Variants in EMILIN2 observed in about 807,000 individuals in gnomAD.
EMILIN2 encodes EMILIN-2.
A neutral mutation model predicts 87.1 loss-of-function variants in EMILIN2; 71 were observed. The observed-to-expected ratio is 0.82, with a 90% CI of 0.67 to 0.99. The LOEUF (loss-of-function observed/expected upper bound fraction) is 0.99, where lower values mean the gene tolerates loss of function less well. EMILIN2 is among the 50% of genes least tolerant of loss of function. The pLI is 0.00. For synonymous variants in EMILIN2, 581 were observed against 563.4 expected (o/e 1.03, Z -0.44); for missense variants, 1,407 against 1,371.8 (o/e 1.03, Z -0.40).
At chr18:2,846,998 G>A, upstream of EMILIN2, 2 of 1,025,110 alleles carry the variant, frequency 2.0e-6, no homozygotes, top group Non-Finnish European at 2.3e-6. The surrounding 1 kb of genome is among the most constrained non-coding windows in gnomAD (Gnocchi z 5.3). Context: ...CAGGGCGCAC[G>A]GGGCTGCAGA....
At chr18:2,869,604 ATTTT>A (rs569046368) in intron 2 of EMILIN2, among the ~76,000 whole-genome samples, 1 of 148,874 alleles carries the variant, frequency 6.7e-6, no homozygotes, top group Non-Finnish European at 1.5e-5. Flanking sequence ...TCAGTAGCTG[ATTTT>A]TTTTTTTGAG....
At position 2,890,880 on chromosome 18, in the gene EMILIN2, C is replaced by T; in HGVS notation, c.753C>T (p.Val251=). 6.2e-7 allele frequency: 1 copy of T among 1,613,864 alleles called. No homozygotes were observed. The highest frequency in any genetic ancestry group is 8.5e-7 in the Non-Finnish European group (1 of 1,180,038). ...CAGAAACGGGCCAGAGTCCTGGTGTCTTCAACACTAAGGAATCTGGCATGA... is the reference window on the plus strand; with the variant it reads ...CAGAAACGGGCCAGAGTCCTGGTGTTTTCAACACTAAGGAATCTGGCATGA... The part of the protein sequence containing the change: ...GDTETGQSPG[V]FNTKESGMKD... The change falls in exon 4 of 8, where the codon GTC becomes GTT. Residue 251 remains valine, a synonymous_variant. Transcript: ENST00000254528. The surrounding 1 kb of genome is among the most constrained non-coding windows in gnomAD (Gnocchi z 4.7).
chr18:2,873,620 T>C (rs1230363776), intron 2 of EMILIN2, among the ~76,000 whole-genome samples: 6 of 151,554 alleles, frequency 4.0e-5, no homozygotes, highest in Admixed American at 6.6e-5. Flanking sequence ...GGCAGGAGAA[T>C]GGCGTGAACC....
At chr18:2,904,760 A>AG (rs1374005071) in intron 4 of EMILIN2, among the ~76,000 whole-genome samples, 1 of 152,156 alleles carries the variant, frequency 6.6e-6, no homozygotes, top group African/African-American at 2.4e-5. Flanking sequence ...TCGTTCACAC[A>AG]GGCGGCTTTC....
At chr18:2,902,759 G>A (rs867228034) in intron 4 of EMILIN2, among the ~76,000 whole-genome samples, 71 of 152,308 alleles carry the variant, frequency 4.7e-4, no homozygotes, top group African/African-American at 1.7e-3. Flanking sequence ...TCTGGAAAAG[G>A]TGTGAATGAA....
intron 2 of EMILIN2, among the ~76,000 whole-genome samples, chr18:2,853,319 T>C (rs1189570885): frequency 1.3e-5 from 2 of 152,170 alleles, no homozygotes; most frequent in Non-Finnish European, 2.9e-5. Context: ...CCCCCAGCCC[T>C]TGGGACATTC....
Position 2,910,014 on chromosome 18 carries a change from G to A in EMILIN2, c.2824+195G>A, listed in dbSNP as rs117294417. On this transcript the variant is annotated intron_variant, in intron 7 of 7. Transcript: ENST00000254528. Reference sequence around the variant, plus strand: ...TCACGTAGAACGTGTCCCAGCTCGAGGGCTGCAGGCTGCATGGGTGTGTAA... The same window carrying A: ...TCACGTAGAACGTGTCCCAGCTCGAAGGCTGCAGGCTGCATGGGTGTGTAA... Among the ~76,000 whole-genome samples the A allele has an allele frequency of 6.7e-3, 1,019 of 152,346 alleles. 5 individuals carry two copies. Among genetic ancestry groups the A allele is most frequent in the South Asian group, 0.021 (103 of 4,830 alleles).
intron 2 of EMILIN2, among the ~76,000 whole-genome samples, chr18:2,855,105 A>G (rs1407433360): frequency 6.6e-6 from 1 of 152,226 alleles, no homozygotes; most frequent in Non-Finnish European, 1.5e-5. Context: ...CCAGGCGCCC[A>G]GCCCTCGAGA....
intron 2 of EMILIN2, among the ~76,000 whole-genome samples, chr18:2,856,639 G>A (rs2076628915): frequency 6.6e-6 from 1 of 152,124 alleles, no homozygotes; most frequent in Non-Finnish European, 1.5e-5. Flanking sequence ...ATCAAAAGCG[G>A]GGAAACCGTA....
rs1007866310 is a variant in EMILIN2 at position 2,915,965 on chromosome 18, T to C, written c.*2561T>C. 6 of 152,252 alleles carry C rather than the reference T, an allele frequency of 3.9e-5. No homozygotes were observed. Among genetic ancestry groups the C allele is most frequent in the Admixed American group, 2.6e-4 (4 of 15,286 alleles). The allele number at this position is 152,252 out of a possible 1,614,324, so 9.4% of individuals were successfully genotyped here. A position where few individuals can be genotyped will look rare whatever the true frequency, so the allele number is the denominator to read the frequency against. ...TTACACGATTAAAAACAAAATGGTATCGTCAATAAATGCAAACCTTAAACT... is the reference window on the plus strand; with the variant it reads ...TTACACGATTAAAAACAAAATGGTACCGTCAATAAATGCAAACCTTAAACT... On this transcript the variant is annotated 3_prime_UTR_variant, in exon 8 of 8. Transcript: ENST00000254528.
intron 2 of EMILIN2, among the ~76,000 whole-genome samples, chr18:2,852,576 C>T (rs769648703): frequency 2.0e-5 from 3 of 152,162 alleles, no homozygotes; most frequent in Admixed American, 6.5e-5. Context: ...TGGAGCGCAG[C>T]GGCACCATCT....
At position 2,847,705 on chromosome 18, in the gene EMILIN2, C is replaced by T. The variant is rs963599288; in HGVS notation, c.135-104C>T. Reference sequence around the variant, plus strand: ...CCCGCCTCCGCAGAGGGCGACGGGCCCCCCCGACCCTCGCTCGGTCTGGTG... The same window carrying T: ...CCCGCCTCCGCAGAGGGCGACGGGCTCCCCCGACCCTCGCTCGGTCTGGTG... On this transcript the variant is annotated intron_variant, in intron 1 of 7. Transcript: ENST00000254528. This position sits in a 1 kb window ranked among gnomAD's most constrained non-coding sequence, Gnocchi z 4.5. 2.2e-5 allele frequency: 33 copies of T among 1,478,100 alleles called. No homozygotes were observed. The highest frequency in any genetic ancestry group is 2.6e-5 in the Non-Finnish European group (29 of 1,117,944). 91.6% of individuals were successfully genotyped at this position (1,478,100 alleles called of 1,614,324 possible).
chr18:2,853,369 A>T (rs1433924613), intron 2 of EMILIN2, among the ~76,000 whole-genome samples: 1 of 152,084 alleles, frequency 6.6e-6, no homozygotes, highest in Non-Finnish European at 1.5e-5. Flanking sequence ...CAGCCTCTGA[A>T]TCTGGACTCT....
rs773279293 is a variant in EMILIN2, at chr18:2,885,056, A to G, written c.350A>G (p.Asp117Gly). The G allele has an allele frequency of 6.2e-7, 1 of 1,613,732 alleles. No homozygotes were observed. The highest frequency in any genetic ancestry group is 8.5e-7 in the Non-Finnish European group (1 of 1,179,866). ...WRCCPGFRGG[D>G]CQEGPKDPVK... ...TGCTGTCCTGGCTTTAGAGGGGGAG[A>G]TTGCCAAGAAGGTCCCAAAGACCCC... Residue 117 changes from aspartate to glycine, a missense_variant, in exon 3 of 8, where the codon GAT becomes GGT. Physicochemically the swap from Asp to Gly is moderately conservative, Grantham distance 94. Coordinates refer to ENST00000254528, the MANE Select transcript of EMILIN2 (RefSeq NM_032048.3).
At chr18:2,900,124 G>A in intron 4 of EMILIN2, among the ~76,000 whole-genome samples, 1 of 37,584 alleles carries the variant, frequency 2.7e-5, no homozygotes, top group African/African-American at 7.3e-5. Flanking sequence ...CCTCTTATAA[G>A]CTTGAGGGTT....
chr18:2,906,975 C>A lies in EMILIN2; in HGVS notation c.2552C>A (p.Ala851Asp). ...GGGGTCATCGCGGAGACGGGCCAGG[C>A]CGGGCCCCCCGCAGGCGCAGGCGTG... ...STGVIAETGQAGPPAGAGVSG... is the reference protein window; with the variant it reads ...STGVIAETGQDGPPAGAGVSG... Residue 851 changes from alanine (A) to aspartate (D), a missense_variant, in exon 5 of 8, where the codon GCC becomes GAC. Physicochemically the swap from Ala to Asp is moderately radical, Grantham distance 126. Transcript: ENST00000254528. 3 of 1,390,870 alleles carry A rather than the reference C, an allele frequency of 2.2e-6. No individual in the cohort carries two copies. The highest frequency in any genetic ancestry group is 1.6e-5 in the South Asian group (1 of 63,554). 86.2% of individuals were successfully genotyped at this position (1,390,870 alleles called of 1,614,324 possible). A position where few individuals can be genotyped will look rare whatever the true frequency, so the allele number is the denominator to read the frequency against.
Position 2,915,813 on chromosome 18 carries a change from A to C in EMILIN2, c.*2409A>C, listed in dbSNP as rs1178009503. 6.6e-6 allele frequency: 1 copy of C among 152,224 alleles called. No individual in the cohort carries two copies. The highest frequency in any genetic ancestry group is 2.4e-5 in the African/African-American group (1 of 41,440). The allele number at this position is 152,224 out of a possible 1,614,324, so 9.4% of individuals were successfully genotyped here. A position where few individuals can be genotyped will look rare whatever the true frequency, so the allele number is the denominator to read the frequency against. On this transcript the variant is annotated 3_prime_UTR_variant, in exon 8 of 8. Coordinates refer to ENST00000254528, the MANE Select transcript of EMILIN2 (RefSeq NM_032048.3). ...GCTGGGATTACAGGTATGAGCCACC[A>C]CGCCCAGCCAAGTTCACAACTTCTG...
Position 2,885,019 on chromosome 18 carries a change from T to G in EMILIN2, c.313T>G (p.Leu105Val). 1 of 1,613,670 alleles carries G rather than the reference T, an allele frequency of 6.2e-7. No individual in the cohort carries two copies. Reference sequence around the variant, plus strand: ...CACTAGGTATAAGACAGTGACACAGTTGGAATGGAGGTGCTGTCCTGGCTT... The same window carrying G: ...CACTAGGTATAAGACAGTGACACAGGTGGAATGGAGGTGCTGTCCTGGCTT... The part of the protein sequence containing the change: ...YVTRYKTVTQ[L>V]EWRCCPGFRG... Residue 105 changes from leucine (L) to valine (V), a missense_variant, in exon 3 of 8, where the codon TTG becomes GTG. Leu to Val is a conservative substitution (Grantham distance 32). Transcript: ENST00000254528.
intron 3 of EMILIN2, among the ~76,000 whole-genome samples, chr18:2,888,728 AAAAG>A (rs1175337846): frequency 1.3e-5 from 2 of 151,570 alleles, no homozygotes; most frequent in Non-Finnish European, 1.5e-5. Flanking sequence ...AAAAAAAAAA[AAAAG>A]AGAGAGAGAG....
Sources: gnomAD v4.1 joint callset for allele counts (sites outside exome capture counted in the v4.1 genomes callset) on GRCh38, gnomAD v4.1.1 for gene constraint, Gnocchi (gnomAD v3.1) non-coding constraint, MANE v1.5 for transcripts, NCBI Gene and HGNC (gene_info 2026-07-23, HGNC 2026-07-21) for gene names.